Variants in KHDRBS2 observed in about 807,000 individuals in gnomAD.
KHDRBS2 encodes the protein KH RNA binding domain containing, signal transduction associated 2.
KHDRBS2 carries 26 observed loss-of-function variants against 44.3 expected under a neutral mutation model. The observed-to-expected ratio is 0.59, with a 90% CI of 0.43 to 0.81. The LOEUF is 0.81. KHDRBS2 is among the 40% of genes least tolerant of loss of function. The pLI is 0.00. For missense variants in KHDRBS2, 476 were observed against 433.1 expected (o/e 1.10, Z -0.88); for synonymous variants, 194 against 151.1 (o/e 1.28, Z -2.08).
At chr6:62,131,799 G>A (rs1459620893) in intron 2 of KHDRBS2, among the ~76,000 whole-genome samples, 4 of 152,154 alleles carry the variant, frequency 2.6e-5, no homozygotes, top group African/African-American at 7.2e-5. Context: ...ATGGAGAGAA[G>A]TAAATGAGAA....
intron 6 of KHDRBS2, among the ~76,000 whole-genome samples, chr6:61,773,910 C>G (rs1781463383): frequency 6.6e-6 from 1 of 151,660 alleles, no homozygotes; most frequent in South Asian, 2.1e-4. Context: ...AATCCTTTCC[C>G]CATTGCTTGT....
chr6:61,555,774 TG>T, the KHDRBS2 span, among the ~76,000 whole-genome samples: 9 of 152,122 alleles, frequency 5.9e-5, no homozygotes, highest in East Asian at 3.9e-4. Flanking sequence ...TCTGGTAGAT[TG>T]TTTTTTGGAG....
At chr6:61,988,169 T>C (rs1171435383) in intron 3 of KHDRBS2, among the ~76,000 whole-genome samples, 1 of 152,120 alleles carries the variant, frequency 6.6e-6, no homozygotes, top group Non-Finnish European at 1.5e-5. Flanking sequence ...TCAAGGATGG[T>C]TAATTCCTCA....
chr6:62,069,967 C>T (rs1387126004), intron 2 of KHDRBS2, among the ~76,000 whole-genome samples: 2 of 151,350 alleles, frequency 1.3e-5, no homozygotes, highest in Admixed American at 1.3e-4. Context: ...AAGGTCATTC[C>T]TTTCTATTCC....
chr6:61,639,197 A>G, the KHDRBS2 span, among the ~76,000 whole-genome samples: 1 of 152,100 alleles, frequency 6.6e-6, no homozygotes, highest in Non-Finnish European at 1.5e-5. Context: ...CATATATGGA[A>G]AAATGAATAT....
In KHDRBS2 at chr6:61,939,752, T is replaced by C. The variant is rs181622486; in HGVS notation, c.483+38314A>G. 2.3e-3 allele frequency among the ~76,000 whole-genome samples: 348 copies of C among 152,308 alleles called. 2 individuals are homozygous for C. The highest frequency in any genetic ancestry group is 8.2e-3 in the African/African-American group (339 of 41,572). On this transcript the variant is annotated intron_variant, in intron 4 of 8. Coordinates refer to ENST00000281156, the MANE Select transcript of KHDRBS2 (RefSeq NM_152688.4). ...TGATAGAATTATTCAATGTGAATTA[T>C]AAAACTCTGGAAAGAAACCAAAGTA...
the KHDRBS2 span, among the ~76,000 whole-genome samples, chr6:61,598,312 A>T: frequency 2.0e-5 from 3 of 151,988 alleles, no homozygotes; most frequent in African/African-American, 7.2e-5. Context: ...CATATGTGAG[A>T]CTGATAACAT....
intron 1 of KHDRBS2, among the ~76,000 whole-genome samples, chr6:62,277,569 C>T (rs1049127986): frequency 9.2e-5 from 14 of 152,198 alleles, no homozygotes; most frequent in African/African-American, 2.2e-4. Flanking sequence ...GCCTCGATCT[C>T]CTGACCTTGT....
chr6:61,771,015 G>C (rs1393267062), intron 6 of KHDRBS2, among the ~76,000 whole-genome samples: 2 of 152,228 alleles, frequency 1.3e-5, no homozygotes, highest in East Asian at 1.9e-4. Context: ...AGCCAGAAGA[G>C]AGTGGGGGCC....
At chr6:62,034,755 CT>C (rs1784976818) in intron 3 of KHDRBS2, among the ~76,000 whole-genome samples, 1 of 147,116 alleles carries the variant, frequency 6.8e-6, no homozygotes, top group African/African-American at 2.5e-5. Context: ...AGAATGCCCA[CT>C]TTCACCATTG....
At chr6:61,725,263 A>G (rs1250581416) in intron 7 of KHDRBS2, among the ~76,000 whole-genome samples, 1 of 152,180 alleles carries the variant, frequency 6.6e-6, no homozygotes, top group Non-Finnish European at 1.5e-5. Flanking sequence ...CAAAGAGACA[A>G]TGTACCAGAA....
chr6:61,672,518 A>G, the KHDRBS2 span, among the ~76,000 whole-genome samples: 1 of 151,984 alleles, frequency 6.6e-6, no homozygotes, highest in Non-Finnish European at 1.5e-5. Context: ...TAGTTTCCTG[A>G]CTTTTCAATG....
chr6:61,726,959 A>T (rs955268367), intron 7 of KHDRBS2, among the ~76,000 whole-genome samples: 12 of 152,148 alleles, frequency 7.9e-5, no homozygotes, highest in Non-Finnish European at 1.8e-4. Context: ...GAGCCTGAAT[A>T]GCCAAGAGAA....
chr6:61,783,728 T>C lies in KHDRBS2; in HGVS notation c.811-50964A>G, dbSNP rs1783379289. 2.0e-5 allele frequency among the ~76,000 whole-genome samples: 3 copies of C among 152,126 alleles called. No homozygotes were observed. The South Asian group carries it at 6.2e-4, about 32-fold the overall frequency. ...AAAAAGGTGAAATGTATTTATTTTC[T>C]AAAACTAATTAAATTTTTATTTTAT... On this transcript the variant is annotated intron_variant, in intron 6 of 8. Transcript: ENST00000281156.
chr6:61,650,729 G>A, the KHDRBS2 span, among the ~76,000 whole-genome samples: 74 of 151,964 alleles, frequency 4.9e-4, no homozygotes, highest in Middle Eastern at 0.024. Flanking sequence ...AAGGCTGGGG[G>A]TACTAAAAAG....
At chr6:62,197,277 G>A (rs1479464155) in intron 1 of KHDRBS2, among the ~76,000 whole-genome samples, 1 of 152,102 alleles carries the variant, frequency 6.6e-6, no homozygotes, top group African/African-American at 2.4e-5. Context: ...GATAGGTACT[G>A]TGATATCAAG....
At chr6:61,961,905 A>T (rs886431916) in intron 4 of KHDRBS2, among the ~76,000 whole-genome samples, 1 of 152,126 alleles carries the variant, frequency 6.6e-6, no homozygotes, top group African/African-American at 2.4e-5. Context: ...AAACGGGATC[A>T]TTCTGGCAGC....
chr6:61,613,972 TA>T, the KHDRBS2 span, among the ~76,000 whole-genome samples: 1 of 152,166 alleles, frequency 6.6e-6, no homozygotes. Context: ...CCAAAAATAA[TA>T]AAGACAATTT....
At chr6:61,742,785 A>G (rs1776327581) in intron 6 of KHDRBS2, among the ~76,000 whole-genome samples, 1 of 152,106 alleles carries the variant, frequency 6.6e-6, no homozygotes, top group South Asian at 2.1e-4. Context: ...CTCTGCAATT[A>G]GGCAATATAC....
Sources: allele counts gnomAD v4.1 joint callset (sites outside exome capture counted in the v4.1 genomes callset), GRCh38; gene constraint gnomAD v4.1.1; transcripts MANE v1.5; gene names NCBI Gene and HGNC (gene_info 2026-07-23, HGNC 2026-07-21).